The following OXCT1 variants were observed in gnomAD, a reference collection of about 807,000 sequenced individuals.
The protein encoded by OXCT1 is 3-oxoacid CoA-transferase 1.
Under a neutral mutation model 69.6 loss-of-function variants are expected in OXCT1, and 27 were observed. The ratio of observed to expected loss-of-function variants is 0.39; its 90% CI spans 0.29 to 0.54. The LOEUF is 0.54. Among genes scored for constraint, OXCT1 ranks in the 20% least tolerant of loss-of-function variants. The pLI is 0.72. For missense variants in OXCT1, 437 were observed against 650.2 expected, an observed-to-expected ratio of 0.67 and a Z score of 3.57; for synonymous variants, 202 against 217.8, an observed-to-expected ratio of 0.93 and a Z score of 0.64.
chr5:41,749,162 A>G (rs1743645055), intron 15 of OXCT1, among the ~76,000 whole-genome samples: 2 of 152,130 alleles, frequency 1.3e-5, no homozygotes, highest in South Asian at 2.1e-4. Context: ...AATTTCTTAA[A>G]ATCCAAAAAT....
intron 15 of OXCT1, among the ~76,000 whole-genome samples, chr5:41,748,844 A>G (rs1471381569): frequency 6.6e-6 from 1 of 152,120 alleles, no homozygotes; most frequent in Non-Finnish European, 1.5e-5. Flanking sequence ...TACTGAATCA[A>G]GAAAACACAC....
rs1747903886 is a variant in OXCT1, at chr5:41,828,184, T to A, written c.732+12267A>T. 2.0e-5 allele frequency among the ~76,000 whole-genome samples: 3 copies of A among 152,192 alleles called. No homozygotes were observed. In the South Asian group the frequency reaches 6.2e-4, roughly 31 times the overall value. On this transcript the variant is annotated intron_variant, in intron 7 of 16. Coordinates refer to ENST00000196371, the MANE Select transcript of OXCT1 (RefSeq NM_000436.4). ...GTGCACTGGCAAAATCTCCTCTCAC[T>A]GCAACCTCCGCCTCCCAGGTTCAAG... is the stretch of plus-strand genomic sequence containing the variant.
At chr5:41,811,377 T>C (rs1746979757) in intron 7 of OXCT1, among the ~76,000 whole-genome samples, 1 of 152,072 alleles carries the variant, frequency 6.6e-6, no homozygotes, top group African/African-American at 2.4e-5. Context: ...TTTACCTTTA[T>C]GTTATACGAA....
intron 13 of OXCT1, among the ~76,000 whole-genome samples, chr5:41,773,629 G>GCCCCCCC (rs1561064805): frequency 1.6e-5 from 1 of 62,658 alleles, no homozygotes; most frequent in Non-Finnish European, 3.9e-5. Flanking sequence ...CCACCCCTCT[G>GCCCCCCC]CCAAAAAAAA....
At chr5:41,780,397 C>T (rs955001222) in intron 13 of OXCT1, among the ~76,000 whole-genome samples, 1 of 152,140 alleles carries the variant, frequency 6.6e-6, no homozygotes, top group African/African-American at 2.4e-5. Flanking sequence ...AGTTTAAAAA[C>T]TATAAGCAAA....
intron 13 of OXCT1, among the ~76,000 whole-genome samples, chr5:41,778,415 T>C (rs936548620): frequency 2.0e-5 from 3 of 152,212 alleles, no homozygotes; most frequent in African/African-American, 4.8e-5. Context: ...AAAATACTGA[T>C]GATTTTGCCT....
chr5:41,810,600 T>C (rs1746929128), intron 7 of OXCT1, among the ~76,000 whole-genome samples: 1 of 152,048 alleles, frequency 6.6e-6, no homozygotes, highest in African/African-American at 2.4e-5. Flanking sequence ...TTGTTATTGA[T>C]CTGAACTTTG....
chr5:41,838,947 A>G (rs558128864), intron 7 of OXCT1, among the ~76,000 whole-genome samples: 1 of 152,208 alleles, frequency 6.6e-6, no homozygotes, highest in East Asian at 1.9e-4. Context: ...TGGCTACCAT[A>G]CTGGAGAGTG....
At chr5:41,796,837 C>T (rs189433351) in intron 11 of OXCT1, among the ~76,000 whole-genome samples, 4 of 152,286 alleles carry the variant, frequency 2.6e-5, no homozygotes, top group South Asian at 2.1e-4. Context: ...GCTTTATAAA[C>T]GTCACCTTTT....
At chr5:41,812,737 G>C (rs1465031453) in intron 7 of OXCT1, among the ~76,000 whole-genome samples, 1 of 151,932 alleles carries the variant, frequency 6.6e-6, no homozygotes, top group Non-Finnish European at 1.5e-5. Flanking sequence ...TCACCAGGGA[G>C]AAAGAAAGTA....
At chr5:41,869,527 G>A (rs1042149375) in intron 1 of OXCT1, among the ~76,000 whole-genome samples, 1 of 152,186 alleles carries the variant, frequency 6.6e-6, no homozygotes, top group Non-Finnish European at 1.5e-5. Flanking sequence ...AGTCGGCAGT[G>A]GGGCACAAAA....
chr5:41,738,735 T>G (rs1265686395), intron 16 of OXCT1, among the ~76,000 whole-genome samples: 2 of 152,250 alleles, frequency 1.3e-5, no homozygotes. Context: ...GATTTATGAA[T>G]AAGCACTTAT....
chr5:41,859,921 C>T (rs1749660785), intron 3 of OXCT1, among the ~76,000 whole-genome samples: 1 of 118,950 alleles, frequency 8.4e-6, no homozygotes, highest in Admixed American at 8.6e-5. Flanking sequence ...CACACACACA[C>T]ACAAGTAATT....
At chr5:41,827,991 T>G (rs569739130) in intron 7 of OXCT1, among the ~76,000 whole-genome samples, 20 of 152,186 alleles carry the variant, frequency 1.3e-4, no homozygotes, top group Non-Finnish European at 2.5e-4. Context: ...TCTGTAGCTC[T>G]TGGAAACTCT....
intron 7 of OXCT1, among the ~76,000 whole-genome samples, chr5:41,817,459 G>A (rs1349331224): frequency 6.6e-6 from 1 of 152,138 alleles, no homozygotes; most frequent in Non-Finnish European, 1.5e-5. Context: ...TCTATTACAA[G>A]ACCATAAAGT....
At chr5:41,770,132 A>G (rs1332014085) in intron 13 of OXCT1, among the ~76,000 whole-genome samples, 1 of 152,226 alleles carries the variant, frequency 6.6e-6, no homozygotes, top group Non-Finnish European at 1.5e-5. Flanking sequence ...AATACATGAT[A>G]GCTTGTTTTC....
rs1332626810 is a variant in OXCT1 at position 41,802,920 on chromosome 5, T to C, written c.1050+149A>G. On this transcript the variant is annotated intron_variant, in intron 10 of 16. Coordinates refer to ENST00000196371, the MANE Select transcript of OXCT1 (RefSeq NM_000436.4). ...GGGACGGATCCACTAAAATCTCAGG[T>C]TTCAGCATTATACAATTTATCCATG... 4.7e-6 allele frequency: 3 copies of C among 640,830 alleles called. No individual in the cohort carries two copies. The Admixed American group carries it at 7.6e-5, about 16-fold the overall frequency. 39.7% of individuals were successfully genotyped at this position (640,830 alleles called of 1,614,324 possible).
intron 1 of OXCT1, among the ~76,000 whole-genome samples, chr5:41,865,155 T>A (rs964250383): frequency 2.0e-5 from 3 of 152,218 alleles, no homozygotes; most frequent in Non-Finnish European, 4.4e-5. Flanking sequence ...TTGACTATAG[T>A]CACCCTATTG....
intron 14 of OXCT1, among the ~76,000 whole-genome samples, chr5:41,755,313 T>C (rs1744007194): frequency 6.6e-6 from 1 of 152,028 alleles, no homozygotes; most frequent in Non-Finnish European, 1.5e-5. Context: ...ATTTCTATCA[T>C]AAAGGAGAAA....
Sources: allele counts gnomAD v4.1 joint callset (sites outside exome capture counted in the v4.1 genomes callset), GRCh38; gene constraint gnomAD v4.1.1; transcripts MANE v1.5; gene names NCBI Gene and HGNC (gene_info 2026-07-23, HGNC 2026-07-21).